RIC1: variants seen among roughly 807,000 people sequenced by gnomAD.
RIC1 encodes RIC1 partner of RAB6A GEF complex, also known as guanine nucleotide exchange factor subunit RIC1.
Under a neutral mutation model 169.0 loss-of-function variants are expected in RIC1, and 88 were observed. That is an observed-to-expected ratio of 0.52 (90% CI 0.44 to 0.62). The LOEUF is 0.62. Among genes scored for constraint, RIC1 ranks in the 20% least tolerant of loss-of-function variants. The pLI is 0.00. For synonymous variants in RIC1, 790 were observed against 601.5 expected (o/e 1.31, Z -4.59); for missense variants, 1,877 against 1,725.5 (o/e 1.09, Z -1.56).
intron 3 of RIC1, among the ~76,000 whole-genome samples, chr9:5,695,358 A>G (rs903140557): frequency 6.6e-6 from 1 of 152,174 alleles, no homozygotes; most frequent in Non-Finnish European, 1.5e-5. Flanking sequence ...GAATCCTGGG[A>G]AAGTCAAGAG....
At chr9:5,749,322 A>G (rs778976206) in intron 12 of RIC1, among the ~76,000 whole-genome samples, 36 of 152,348 alleles carry the variant, frequency 2.4e-4, no homozygotes, top group Admixed American at 1.1e-3. Flanking sequence ...CTCCAGCTAC[A>G]TGATTCAGTG....
At chr9:5,735,548 T>G (rs1415573104) in intron 7 of RIC1, among the ~76,000 whole-genome samples, 2 of 152,234 alleles carry the variant, frequency 1.3e-5, no homozygotes, top group Non-Finnish European at 2.9e-5. Context: ...GCTACGAGAC[T>G]ACAAGTTCTC....
Position 5,648,403 on chromosome 9 carries a change from C to T in RIC1, c.145-8180C>T, listed in dbSNP as rs77010699. ...GAGTTTTATCAGATGTTTTTTCTGACTCAATTGAAATGATTATCTGTTGGT... is the reference window on the plus strand; with the variant it reads ...GAGTTTTATCAGATGTTTTTTCTGATTCAATTGAAATGATTATCTGTTGGT... On this transcript the variant is annotated intron_variant, in intron 1 of 25. Transcript: ENST00000414202. 9.1e-3 allele frequency among the ~76,000 whole-genome samples: 1,392 copies of T among 152,208 alleles called. 21 individuals are homozygous for T. Among genetic ancestry groups the T allele is most frequent in the African/African-American group, 0.032 (1,329 of 41,526 alleles).
intron 6 of RIC1, among the ~76,000 whole-genome samples, chr9:5,723,323 T>C (rs1184620601): frequency 1.3e-5 from 2 of 152,258 alleles, no homozygotes; most frequent in African/African-American, 4.8e-5. Context: ...ATGAGCATTT[T>C]TTCATGTGTC....
chr9:5,680,171 T>C (rs1411616172), intron 2 of RIC1, among the ~76,000 whole-genome samples: 2 of 152,228 alleles, frequency 1.3e-5, no homozygotes. Flanking sequence ...TGAACCAGCC[T>C]TGCATCCCAG....
intron 3 of RIC1, among the ~76,000 whole-genome samples, chr9:5,696,373 TG>T (rs1222718416): frequency 1.3e-5 from 2 of 152,158 alleles, no homozygotes; most frequent in Non-Finnish European, 2.9e-5. Context: ...TCTATTCCTT[TG>T]TTATTTGCTC....
intron 10 of RIC1, among the ~76,000 whole-genome samples, chr9:5,745,524 A>C (rs1825325999): frequency 6.6e-6 from 1 of 152,134 alleles, no homozygotes; most frequent in Non-Finnish European, 1.5e-5. Flanking sequence ...CTCCATACAA[A>C]ACTGCATCTG....
rs1365241072 is a variant in RIC1, at chr9:5,688,072, T to C, written c.253-1887T>C. Among the ~76,000 whole-genome samples the C allele has an allele frequency of 2.0e-5, 3 of 152,246 alleles. No homozygotes were observed. In the East Asian group the frequency reaches 5.8e-4, roughly 29 times the overall value. ...TTTTGTTTGAGTTTTCTATATTGCC[T>C]AACCTTTGGAACATACAGAATATAG... On this transcript the variant is annotated intron_variant, in intron 2 of 25. Coordinates refer to ENST00000414202, the MANE Select transcript of RIC1 (RefSeq NM_020829.4).
At chr9:5,740,157 T>C (rs1008667521) in intron 8 of RIC1, among the ~76,000 whole-genome samples, 1 of 152,178 alleles carries the variant, frequency 6.6e-6, no homozygotes, top group Non-Finnish European at 1.5e-5. Context: ...TCTCCACATA[T>C]GGTCAAAGGT....
chr9:5,764,556 G>C (rs1267897213), intron 19 of RIC1, among the ~76,000 whole-genome samples: 1 of 152,168 alleles, frequency 6.6e-6, no homozygotes, highest in African/African-American at 2.4e-5. Context: ...ATTGATGTAA[G>C]AAGCTAACCA....
intron 1 of RIC1, among the ~76,000 whole-genome samples, chr9:5,640,141 C>G (rs1472290120): frequency 1.3e-5 from 2 of 152,124 alleles, no homozygotes. Context: ...GGTCTTCGTT[C>G]TTTCTTTACT....
intron 2 of RIC1, among the ~76,000 whole-genome samples, chr9:5,686,771 G>T (rs921644946): frequency 6.7e-6 from 1 of 150,250 alleles, no homozygotes; most frequent in Non-Finnish European, 1.5e-5. Flanking sequence ...AAAACTTAAA[G>T]TATAATAATA....
chr9:5,730,821 C>T (rs1041691929), intron 6 of RIC1, among the ~76,000 whole-genome samples: 2 of 151,920 alleles, frequency 1.3e-5, no homozygotes, highest in Admixed American at 6.6e-5. Flanking sequence ...AAGAAAAAGC[C>T]AAAATTCTTA....
chr9:5,714,017 G>A lies in RIC1; in HGVS notation c.440+14G>A, dbSNP rs763347245. On this transcript the variant is annotated intron_variant, in intron 4 of 25. Coordinates refer to ENST00000414202, the MANE Select transcript of RIC1 (RefSeq NM_020829.4). ...ACCCATCATGAGGTACAGTACTTTG[G>A]TTAAATTTGACATTGTGTGATGACA... 6.4e-7 allele frequency: 1 copy of A among 1,557,684 alleles called. No homozygotes were observed. The highest frequency in any genetic ancestry group is 8.8e-7 in the Non-Finnish European group (1 of 1,133,026).
At chr9:5,664,628 T>C (rs879356603) in intron 2 of RIC1, among the ~76,000 whole-genome samples, 10 of 152,188 alleles carry the variant, frequency 6.6e-5, no homozygotes, top group Non-Finnish European at 1.5e-4. Context: ...ACTGAGGTTT[T>C]CTGCATTTCC....
At chr9:5,670,471 C>T (rs1820023226) in intron 2 of RIC1, among the ~76,000 whole-genome samples, 1 of 152,120 alleles carries the variant, frequency 6.6e-6, no homozygotes, top group Non-Finnish European at 1.5e-5. Flanking sequence ...TTTATGTTTT[C>T]TGCCTTTTTC....
intron 2 of RIC1, among the ~76,000 whole-genome samples, chr9:5,667,498 C>T (rs775820485): frequency 4.9e-4 from 73 of 149,326 alleles, no homozygotes; most frequent in Admixed American, 1.1e-3. Flanking sequence ...GTCCCTCCAC[C>T]GCCACCTTTT....
intron 11 of RIC1, among the ~76,000 whole-genome samples, chr9:5,746,713 A>G (rs1382283614): frequency 6.6e-6 from 1 of 152,208 alleles, no homozygotes; most frequent in Non-Finnish European, 1.5e-5. Flanking sequence ...ATTATTATAT[A>G]TCGCTAATAT....
chr9:5,750,838 C>T (rs1291230455), intron 12 of RIC1, among the ~76,000 whole-genome samples: 1 of 151,526 alleles, frequency 6.6e-6, no homozygotes, highest in Non-Finnish European at 1.5e-5. Context: ...AGGTAGAGCT[C>T]AGAGTTCAGA....
Sources: gnomAD v4.1 joint callset for allele counts (sites outside exome capture counted in the v4.1 genomes callset) on GRCh38, gnomAD v4.1.1 for gene constraint, MANE v1.5 for transcripts, NCBI Gene and HGNC (gene_info 2026-07-23, HGNC 2026-07-21) for gene names.